Variants in VIT observed in about 807,000 individuals in gnomAD.
The protein encoded by VIT is vitrin.
VIT carries 99 observed loss-of-function variants against 78.0 expected under a neutral mutation model. That is an observed-to-expected ratio of 1.27 (90% confidence interval 1.08 to 1.50). The LOEUF (loss-of-function observed/expected upper bound fraction) is 1.50, where lower values mean the gene tolerates loss of function less well. Among genes scored for constraint, VIT ranks in the 40% most tolerant of loss-of-function variants. The pLI is 0.00. For synonymous variants in VIT, 374 were observed against 334.3 expected (o/e 1.12, Z -1.29); for missense variants, 1,126 against 875.3 (o/e 1.29, Z -3.61).
intron 10 of VIT, 136 bp from the exon 11 acceptor site, chr2:36,783,204 A>G: frequency 1.5e-6 from 1 of 653,416 alleles, no homozygotes; most frequent in Non-Finnish European, 2.7e-6. Context: ...GATGGGGGTG[A>G]TGTGAAAAAA....
At chr2:36,723,433 T>A (rs544912680) in intron 2 of VIT, among the ~76,000 whole-genome samples, 2 of 152,220 alleles carry the variant, frequency 1.3e-5, no homozygotes, top group Non-Finnish European at 2.9e-5. Context: ...CCAACAGTGT[T>A]CAGGGAAGCC....
intron 1 of VIT, among the ~76,000 whole-genome samples, chr2:36,705,832 T>C (rs1665382555): frequency 6.6e-6 from 1 of 152,216 alleles, no homozygotes; most frequent in South Asian, 2.1e-4. Context: ...GCCCTGGCGC[T>C]ATTGGCCTGT....
chr2:36,703,414 G>A (rs1429780095), intron 1 of VIT, among the ~76,000 whole-genome samples: 1 of 150,140 alleles, frequency 6.7e-6, no homozygotes, highest in African/African-American at 2.4e-5. Flanking sequence ...TTTGGAACAT[G>A]GAAGTGGTTG....
In VIT at chr2:36,724,021, AT is replaced by A. The variant is rs111231114; in HGVS notation, c.53-5391del. ...TGTTATTCAAAACTGAAACACTGGA[AT>A]TTTTTTTTTTTTTCCCACAGAATTT... On this transcript the variant is annotated intron_variant, in intron 2 of 15. Transcript: ENST00000379242. Among the ~76,000 whole-genome samples the A allele has an allele frequency of 2.5e-3, 353 of 142,758 alleles. 1 individual carries two copies. The highest frequency in any genetic ancestry group is 5.7e-3 in the Admixed American group (81 of 14,192). The allele number at this position is 142,758 out of a possible 152,430, so 93.7% of individuals were successfully genotyped here.
chr2:36,803,816 A>C (rs1053299045), intron 13 of VIT, among the ~76,000 whole-genome samples: 1 of 152,172 alleles, frequency 6.6e-6, no homozygotes, highest in Non-Finnish European at 1.5e-5. Flanking sequence ...ACTTTTATGG[A>C]GATTGAGGAC....
At chr2:36,722,384 G>C (rs977652347) in intron 2 of VIT, among the ~76,000 whole-genome samples, 1 of 152,180 alleles carries the variant, frequency 6.6e-6, no homozygotes, top group African/African-American at 2.4e-5. Flanking sequence ...TAAAATAAAG[G>C]ATGACCTCCA....
At position 36,716,227 on chromosome 2, in the gene VIT, A is replaced by G. The variant is rs541295275; in HGVS notation, c.-18-126A>G. 1.2e-4 allele frequency: 78 copies of G among 654,278 alleles called. 2 individuals carry two copies. In the South Asian group the frequency reaches 1.8e-3, roughly 15 times the overall value. The allele number at this position is 654,278 out of a possible 1,614,324, so 40.5% of individuals were successfully genotyped here. ...CTCTATGTGCTGCTTATGGAAATCT[A>G]TAGCCTGGAATCGTAAGACTCCAGA... On this transcript the variant is annotated intron_variant, in intron 1 of 15. Transcript: ENST00000379242.
chr2:36,733,351 T>A (rs373833322), intron 3 of VIT, among the ~76,000 whole-genome samples: 3 of 150,322 alleles, frequency 2.0e-5, no homozygotes, highest in African/African-American at 7.5e-5. Flanking sequence ...TCTCCCCCCC[T>A]CTCTCTCTCT....
At chr2:36,771,311 C>CTT in intron 7 of VIT, among the ~76,000 whole-genome samples, 1 of 152,182 alleles carries the variant, frequency 6.6e-6, no homozygotes, top group East Asian at 1.9e-4. Flanking sequence ...GGGCGGATCA[C>CTT]GAGGTCAGAA....
At chr2:36,804,427 A>T (rs1384436525) in intron 13 of VIT, among the ~76,000 whole-genome samples, 1 of 152,202 alleles carries the variant, frequency 6.6e-6, no homozygotes, top group East Asian at 1.9e-4. Flanking sequence ...GGCCAAGAAG[A>T]GGCTACTGTC....
At chr2:36,744,995 T>G (rs751754493) in intron 4 of VIT, among the ~76,000 whole-genome samples, 2 of 152,070 alleles carry the variant, frequency 1.3e-5, no homozygotes, top group African/African-American at 2.4e-5. Flanking sequence ...TTTTTGTATA[T>G]GTTGATAGGG....
chr2:36,714,596 T>C (rs563017476), intron 1 of VIT, among the ~76,000 whole-genome samples: 31 of 152,284 alleles, frequency 2.0e-4, no homozygotes, highest in African/African-American at 6.5e-4. Flanking sequence ...TTTACTACCA[T>C]TGACATTGTT....
chr2:36,784,561 T>A (rs999816673), intron 11 of VIT, among the ~76,000 whole-genome samples: 3 of 152,200 alleles, frequency 2.0e-5, no homozygotes, highest in Non-Finnish European at 2.9e-5. Context: ...TACATGACTG[T>A]GGTATGTATC....
chr2:36,703,936 G>GT (rs1367529115), intron 1 of VIT, among the ~76,000 whole-genome samples: 121 of 7,044 alleles, frequency 0.017, no homozygotes, highest in African/African-American at 0.025. Context: ...TTTTGTTTTT[G>GT]TTTTTTTTTT....
chr2:36,751,427 A>C (rs1668456297), intron 4 of VIT, among the ~76,000 whole-genome samples: 1 of 152,176 alleles, frequency 6.6e-6, no homozygotes, highest in South Asian at 2.1e-4. Flanking sequence ...AGTTAGATCC[A>C]CATTGAGGAT....
chr2:36,765,461 A>T (rs1210464956), intron 6 of VIT, among the ~76,000 whole-genome samples: 4 of 148,610 alleles, frequency 2.7e-5, no homozygotes, highest in African/African-American at 5.0e-5. Flanking sequence ...AAACTGCCTT[A>T]TAAAACCATC....
At chr2:36,758,546 A>C (rs10176155) in intron 5 of VIT, among the ~76,000 whole-genome samples, 1 of 152,190 alleles carries the variant, frequency 6.6e-6, no homozygotes, top group Admixed American at 6.5e-5. Flanking sequence ...ATGAAATTCA[A>C]ATGAATCCCA....
chr2:36,799,563 A>G (rs944863387), intron 12 of VIT, among the ~76,000 whole-genome samples: 1 of 152,048 alleles, frequency 6.6e-6, no homozygotes, highest in Non-Finnish European at 1.5e-5. Flanking sequence ...ACAAAAAATG[A>G]AAAAATTTGC....
intron 13 of VIT, among the ~76,000 whole-genome samples, chr2:36,801,705 G>A (rs1666341322): frequency 6.6e-6 from 1 of 151,644 alleles, no homozygotes; most frequent in African/African-American, 2.4e-5. Context: ...CTACTTGGGA[G>A]GCTGAGGTTG....
Sources: allele counts gnomAD v4.1 joint callset (sites outside exome capture counted in the v4.1 genomes callset), GRCh38; gene constraint gnomAD v4.1.1; transcripts MANE v1.5; gene names NCBI Gene and HGNC (gene_info 2026-07-23, HGNC 2026-07-21).